Variants in CNTN3 observed in about 807,000 individuals in gnomAD.
The protein encoded by CNTN3 is contactin 3, also known as contactin-3.
CNTN3 carries 60 observed loss-of-function variants against 119.1 expected under a neutral mutation model. That is an observed-to-expected ratio of 0.50 (90% CI 0.41 to 0.62). CNTN3 has a LOEUF of 0.62. Ranked by LOEUF, CNTN3 falls within the 20% of genes least tolerant of loss-of-function variation. The pLI is 0.00. For synonymous variants in CNTN3, 450 were observed against 438.7 expected (o/e 1.03, Z -0.32); for missense variants, 1,101 against 1,242.4 (o/e 0.89, Z 1.71).
rs189845008 is a variant in CNTN3 at position 74,375,433 on chromosome 3, G to A, written c.455-4034C>T. On this transcript the variant is annotated intron_variant, in intron 5 of 22. Transcript: ENST00000263665. ...AGAATAAATGTCCCCAGAAAAAGTC[G>A]ACATTCTAATGCCTGAAACCTGAAA... Among the ~76,000 whole-genome samples, 22 of 152,194 alleles carry A rather than the reference G, an allele frequency of 1.4e-4. No individual in the cohort carries two copies. The East Asian group carries it at 3.3e-3, about 23-fold the overall frequency.
intron 1 of CNTN3, among the ~76,000 whole-genome samples, chr3:74,564,223 G>T (rs1416291102): frequency 6.6e-6 from 1 of 152,048 alleles, no homozygotes; most frequent in African/African-American, 2.4e-5. Context: ...AACAAAAGGA[G>T]ACAGAAGAGT....
intron 2 of CNTN3, among the ~76,000 whole-genome samples, chr3:74,504,295 A>G (rs1703214584): frequency 6.6e-6 from 1 of 152,202 alleles, no homozygotes; most frequent in African/African-American, 2.4e-5. Context: ...ACAGAATGTA[A>G]GAGGACATAA....
At chr3:74,594,290 T>A (rs936978469) in intron 1 of CNTN3, among the ~76,000 whole-genome samples, 5 of 138,824 alleles carry the variant, frequency 3.6e-5, no homozygotes, top group African/African-American at 5.4e-5. Context: ...TTTTTTTTTT[T>A]ACTTTTTTTT....
intron 4 of CNTN3, among the ~76,000 whole-genome samples, chr3:74,450,147 CTATA>C (rs1702121478): frequency 6.6e-6 from 1 of 151,930 alleles, no homozygotes; most frequent in Non-Finnish European, 1.5e-5. Context: ...TAAATGGTAG[CTATA>C]TTTCTTTAGT....
chr3:74,522,214 C>G (rs1367855792), intron 1 of CNTN3, among the ~76,000 whole-genome samples: 1 of 151,830 alleles, frequency 6.6e-6, no homozygotes. Context: ...TATGTTAAGT[C>G]ATCATTCCTA....
intron 4 of CNTN3, among the ~76,000 whole-genome samples, chr3:74,447,807 A>G (rs1314647461): frequency 6.6e-6 from 1 of 152,218 alleles, no homozygotes; most frequent in African/African-American, 2.4e-5. Flanking sequence ...GAGTAAGGGC[A>G]GGACTCACCT....
chr3:74,331,163 G>C lies in CNTN3; in HGVS notation c.1668+3572C>G, dbSNP rs1703255222. Reference sequence around the variant, plus strand: ...ACTCACTCACTGACACCCAGAGCAAGTTCCAGTCCTGCAAACTCCATTCAC... The same window carrying C: ...ACTCACTCACTGACACCCAGAGCAACTTCCAGTCCTGCAAACTCCATTCAC... On this transcript the variant is annotated intron_variant, in intron 13 of 22. Transcript: ENST00000263665. Among the ~76,000 whole-genome samples the C allele has an allele frequency of 2.6e-5, 4 of 152,338 alleles. No homozygotes were observed. In the South Asian group the frequency reaches 8.3e-4, roughly 32 times the overall value.
rs972784970 is a variant in CNTN3, at chr3:74,546,555, A to G, written c.-80-25363T>C. On this transcript the variant is annotated intron_variant, in intron 1 of 22. Coordinates refer to ENST00000263665, the MANE Select transcript of CNTN3 (RefSeq NM_020872.3). ...CTAGACTGGCTAAGTCTTCAGGCCTACATCTTTTTCCTGTGCTGGATCCTT... is the reference window on the plus strand; with the variant it reads ...CTAGACTGGCTAAGTCTTCAGGCCTGCATCTTTTTCCTGTGCTGGATCCTT... Among the ~76,000 whole-genome samples, 24 of 152,164 alleles carry G rather than the reference A, an allele frequency of 1.6e-4. 1 individual carries two copies. The highest frequency in any genetic ancestry group is 5.1e-4 in the African/African-American group (21 of 41,434).
chr3:74,420,485 A>G (rs568364883), intron 5 of CNTN3, among the ~76,000 whole-genome samples: 1 of 152,240 alleles, frequency 6.6e-6, no homozygotes, highest in Non-Finnish European at 1.5e-5. Flanking sequence ...TTACTGCACT[A>G]AAAGGAGATT....
chr3:74,415,172 A>G (rs1701500568), intron 5 of CNTN3, among the ~76,000 whole-genome samples: 1 of 152,166 alleles, frequency 6.6e-6, no homozygotes, highest in East Asian at 1.9e-4. Context: ...TAGAGTGAGA[A>G]AGAATGATTT....
intron 4 of CNTN3, among the ~76,000 whole-genome samples, chr3:74,475,203 C>T (rs1702633485): frequency 6.6e-6 from 1 of 152,086 alleles, no homozygotes; most frequent in Non-Finnish European, 1.5e-5. Context: ...TCCTAAGCAA[C>T]AGAACTGAAT....
At chr3:74,425,047 T>G (rs1177039780) in intron 4 of CNTN3, 107 bp from the exon 5 acceptor site, 2 of 731,150 alleles carry the variant, frequency 2.7e-6, no homozygotes, top group African/African-American at 3.6e-5. Context: ...TTTTTGCTTT[T>G]TTCTTTAAAA....
At chr3:74,498,171 T>C (rs1194550658) in intron 3 of CNTN3, among the ~76,000 whole-genome samples, 1 of 151,842 alleles carries the variant, frequency 6.6e-6, no homozygotes, top group Non-Finnish European at 1.5e-5. Flanking sequence ...TGCTTTATCA[T>C]ATTTACAGCT....
At chr3:74,558,478 G>A (rs1025649870) in intron 1 of CNTN3, among the ~76,000 whole-genome samples, 1 of 152,154 alleles carries the variant, frequency 6.6e-6, no homozygotes, top group Non-Finnish European at 1.5e-5. Context: ...GATGTATGCA[G>A]AGCCTTCTTG....
chr3:74,517,873 C>A (rs747483448), intron 2 of CNTN3, among the ~76,000 whole-genome samples: 1 of 151,954 alleles, frequency 6.6e-6, no homozygotes, highest in African/African-American at 2.4e-5. Context: ...ATACCCACCC[C>A]TTGTGAATAT....
chr3:74,547,503 T>C (rs1703932268), intron 1 of CNTN3, among the ~76,000 whole-genome samples: 1 of 152,202 alleles, frequency 6.6e-6, no homozygotes, highest in African/African-American at 2.4e-5. Flanking sequence ...AAACTATTCA[T>C]ATTTCTACCT....
intron 11 of CNTN3, among the ~76,000 whole-genome samples, chr3:74,342,276 C>T (rs543675806): frequency 2.2e-4 from 34 of 152,262 alleles, no homozygotes; most frequent in Non-Finnish European, 4.6e-4. Context: ...GAAATAACTG[C>T]TTCTCCTTGA....
intron 1 of CNTN3, among the ~76,000 whole-genome samples, chr3:74,539,567 A>G (rs1473253242): frequency 6.6e-6 from 1 of 152,088 alleles, no homozygotes; most frequent in African/African-American, 2.4e-5. Context: ...ACCAGTTGAA[A>G]ACACCAGTTT....
chr3:74,572,258 T>C (rs1302874759), intron 1 of CNTN3, among the ~76,000 whole-genome samples: 2 of 152,216 alleles, frequency 1.3e-5, no homozygotes, highest in African/African-American at 4.8e-5. Flanking sequence ...TCTTGTACAA[T>C]ACACTTCCTG....
Sources: gnomAD v4.1 joint callset for allele counts (sites outside exome capture counted in the v4.1 genomes callset) on GRCh38, gnomAD v4.1.1 for gene constraint, MANE v1.5 for transcripts, NCBI Gene and HGNC (gene_info 2026-07-23, HGNC 2026-07-21) for gene names.